The following KCND2 variants were observed in gnomAD, a reference collection of about 807,000 sequenced individuals.
KCND2 encodes potassium voltage-gated channel subfamily D member 2, also known as A-type voltage-gated potassium channel KCND2.
KCND2 carries 16 observed loss-of-function variants against 54.4 expected under a neutral mutation model. That is an observed-to-expected ratio of 0.29 (90% CI 0.20 to 0.45). The LOEUF (loss-of-function observed/expected upper bound fraction) is 0.45, where lower values mean the gene tolerates loss of function less well. KCND2 is among the 20% of genes least tolerant of loss of function. KCND2 has a pLI of 1.00. For synonymous variants in KCND2, 317 were observed against 310.7 expected, an observed-to-expected ratio of 1.02 and a Z score of -0.21; for missense variants, 486 against 824.2, an observed-to-expected ratio of 0.59 and a Z score of 5.02.
At chr7:120,499,387 G>T (rs1225675414) in intron 1 of KCND2, among the ~76,000 whole-genome samples, 1 of 151,908 alleles carries the variant, frequency 6.6e-6, no homozygotes, top group African/African-American at 2.4e-5. Flanking sequence ...TCCAAAATAA[G>T]ACAGAAAACC....
At chr7:120,592,672 T>C (rs1200583751) in intron 1 of KCND2, among the ~76,000 whole-genome samples, 1 of 152,244 alleles carries the variant, frequency 6.6e-6, no homozygotes, top group Non-Finnish European at 1.5e-5. Flanking sequence ...TGCATCAGTG[T>C]GCATGCCTCA....
rs527639599 is a variant in KCND2, at chr7:120,583,477, G to A, written c.1116-149426G>A. ...GAAAGTACCATATACTGGGTACTAT[G>A]AAAATCTATTTCCTCACAGTTCTGG... On this transcript the variant is annotated intron_variant, in intron 1 of 5. Coordinates refer to ENST00000331113, the MANE Select transcript of KCND2 (RefSeq NM_012281.3). Among the ~76,000 whole-genome samples the A allele has an allele frequency of 2.5e-4, 38 of 152,246 alleles. No homozygotes were observed. The South Asian group carries it at 7.5e-3, about 30-fold the overall frequency.
intron 1 of KCND2, among the ~76,000 whole-genome samples, chr7:120,605,473 T>C (rs1007397844): frequency 1.3e-5 from 2 of 152,216 alleles, no homozygotes; most frequent in Non-Finnish European, 2.9e-5. Flanking sequence ...CATTCATCAG[T>C]GTATAGAAAT....
rs151116285 is a variant in KCND2, at chr7:120,380,153, A to G, written c.1115+104406A>G. Among the ~76,000 whole-genome samples, 218 of 152,212 alleles carry G rather than the reference A, an allele frequency of 1.4e-3. 1 individual carries two copies. The highest frequency in any genetic ancestry group is 5.2e-3 in the African/African-American group (215 of 41,564). On this transcript the variant is annotated intron_variant, in intron 1 of 5. Coordinates refer to ENST00000331113, the MANE Select transcript of KCND2 (RefSeq NM_012281.3). The stretch of plus-strand genomic sequence containing the variant: ...TATTAGATAACTTTCAGAAACAGCT[A>G]CTGCACAAAGAAGAGAACACTGATA...
chr7:120,530,823 C>T (rs1305660860), intron 1 of KCND2, among the ~76,000 whole-genome samples: 2 of 152,056 alleles, frequency 1.3e-5, no homozygotes, highest in African/African-American at 2.4e-5. Context: ...GTTGACACTA[C>T]CGTATTATTA....
chr7:120,469,085 C>T (rs558888123), intron 1 of KCND2, among the ~76,000 whole-genome samples: 1 of 152,194 alleles, frequency 6.6e-6, no homozygotes, highest in South Asian at 2.1e-4. Context: ...GCCTTCAAGT[C>T]CCTATATTTG....
chr7:120,612,398 A>G (rs971074256), intron 1 of KCND2, among the ~76,000 whole-genome samples: 38 of 152,230 alleles, frequency 2.5e-4, no homozygotes, highest in Non-Finnish European at 5.3e-4. Context: ...AGCAATTAAG[A>G]ATCATTCAGC....
At chr7:120,708,933 G>T (rs1395920038) in intron 1 of KCND2, among the ~76,000 whole-genome samples, 1 of 152,008 alleles carries the variant, frequency 6.6e-6, no homozygotes, top group Non-Finnish European at 1.5e-5. Context: ...ACACAGATTG[G>T]TTAAATAAAT....
At chr7:120,431,188 T>C (rs1801783896) in intron 1 of KCND2, among the ~76,000 whole-genome samples, 1 of 152,190 alleles carries the variant, frequency 6.6e-6, no homozygotes, top group South Asian at 2.1e-4. Context: ...TAAAGAGGCC[T>C]GAGGAATGCC....
chr7:120,620,434 A>C (rs1242675753), intron 1 of KCND2, among the ~76,000 whole-genome samples: 1 of 152,178 alleles, frequency 6.6e-6, no homozygotes, highest in Non-Finnish European at 1.5e-5. Context: ...AAACAAAACT[A>C]AATCAAAAAA....
At chr7:120,545,739 G>GA (rs1792034742) in intron 1 of KCND2, among the ~76,000 whole-genome samples, 1 of 151,238 alleles carries the variant, frequency 6.6e-6, no homozygotes, top group African/African-American at 2.4e-5. Flanking sequence ...CATAACTTTA[G>GA]AAAAAAAGGT....
intron 1 of KCND2, among the ~76,000 whole-genome samples, chr7:120,561,207 T>C (rs993335702): frequency 1.3e-5 from 2 of 152,202 alleles, no homozygotes; most frequent in Admixed American, 1.3e-4. Context: ...GAGCTTACTC[T>C]GCATTCAGCA....
At chr7:120,698,022 CTTTTTTTTTT>C (rs35589294) in intron 1 of KCND2, among the ~76,000 whole-genome samples, 1 of 85,592 alleles carries the variant, frequency 1.2e-5, no homozygotes, top group African/African-American at 4.9e-5. Context: ...TAGATTTGCC[CTTTTTTTTTT>C]TTTTTTTTTT....
At chr7:120,585,647 T>C (rs1792588749) in intron 1 of KCND2, among the ~76,000 whole-genome samples, 1 of 151,958 alleles carries the variant, frequency 6.6e-6, no homozygotes, top group African/African-American at 2.4e-5. Flanking sequence ...AGAGGGCAGG[T>C]GTCATCCATA....
intron 1 of KCND2, among the ~76,000 whole-genome samples, chr7:120,588,051 A>G (rs1792622227): frequency 6.6e-6 from 1 of 152,186 alleles, no homozygotes; most frequent in African/African-American, 2.4e-5. Flanking sequence ...CCAGTAAATG[A>G]CAAAACTACC....
intron 1 of KCND2, among the ~76,000 whole-genome samples, chr7:120,336,804 A>C (rs926863151): frequency 6.6e-6 from 1 of 152,176 alleles, no homozygotes; most frequent in Non-Finnish European, 1.5e-5. Context: ...AATAAGTGGA[A>C]GATTAAAGGA....
In KCND2 at chr7:120,614,857, A is replaced by G. The variant is rs116577785; in HGVS notation, c.1116-118046A>G. Among the ~76,000 whole-genome samples, 1,449 of 152,344 alleles carry G rather than the reference A, an allele frequency of 9.5e-3. 22 individuals carry two copies. Among genetic ancestry groups the G allele is most frequent in the African/African-American group, 0.033 (1,361 of 41,592 alleles). ...TTCAAAGAAATTTCTTGAAGGAGATATTTACCATTCTTGGCCCAGGAGAAA... is the reference window on the plus strand; with the variant it reads ...TTCAAAGAAATTTCTTGAAGGAGATGTTTACCATTCTTGGCCCAGGAGAAA... On this transcript the variant is annotated intron_variant, in intron 1 of 5. Coordinates refer to ENST00000331113, the MANE Select transcript of KCND2 (RefSeq NM_012281.3).
intron 1 of KCND2, among the ~76,000 whole-genome samples, chr7:120,574,055 CT>C (rs899987149): frequency 6.6e-6 from 1 of 152,042 alleles, no homozygotes; most frequent in Non-Finnish European, 1.5e-5. Flanking sequence ...GTTAATGATC[CT>C]TTTAGACTGA....
Position 120,717,938 on chromosome 7 carries a change from C to G in KCND2, c.1116-14965C>G, listed in dbSNP as rs573500258. Among the ~76,000 whole-genome samples, 15 of 152,230 alleles carry G rather than the reference C, an allele frequency of 9.9e-5. No individual in the cohort carries two copies. In the East Asian group the frequency reaches 2.9e-3, roughly 29 times the overall value. ...TGCTGTTAATTTGTGCCTTTCCACACTTAGCACAGTGTTTGGAGCATAATA... is the reference window on the plus strand; with the variant it reads ...TGCTGTTAATTTGTGCCTTTCCACAGTTAGCACAGTGTTTGGAGCATAATA... On this transcript the variant is annotated intron_variant, in intron 1 of 5. Transcript: ENST00000331113.
Sources: gnomAD v4.1 joint callset for allele counts (sites outside exome capture counted in the v4.1 genomes callset) on GRCh38, gnomAD v4.1.1 for gene constraint, MANE v1.5 for transcripts, NCBI Gene and HGNC (gene_info 2026-07-23, HGNC 2026-07-21) for gene names.